GRHL2: variants seen among roughly 807,000 people sequenced by gnomAD.
GRHL2 encodes the protein grainyhead like transcription factor 2.
Under a neutral mutation model 83.8 loss-of-function variants are expected in GRHL2, and 21 were observed. The observed-to-expected ratio is 0.25, with a 90% CI of 0.18 to 0.36. The LOEUF (loss-of-function observed/expected upper bound fraction) is 0.36, where lower values mean the gene tolerates loss of function less well. Ranked by LOEUF, GRHL2 falls within the 10% of genes least tolerant of loss-of-function variation. GRHL2 has a pLI of 1.00. For synonymous variants in GRHL2, 280 were observed against 278.9 expected, an observed-to-expected ratio of 1.00 and a Z score of -0.04; for missense variants, 623 against 781.8, an observed-to-expected ratio of 0.80 and a Z score of 2.42.
At chr8:101,670,266 C>T (rs1814183443), downstream of GRHL2, among the ~76,000 whole-genome samples, 1 of 152,204 alleles carries the variant, frequency 6.6e-6, no homozygotes, top group African/African-American at 2.4e-5. Flanking sequence ...TCTGTGGAGC[C>T]ACCCACACTC....
chr8:101,604,865 A>G (rs1812598120), intron 8 of GRHL2, among the ~76,000 whole-genome samples: 1 of 152,188 alleles, frequency 6.6e-6, no homozygotes, highest in South Asian at 2.1e-4. Context: ...ATTCAATAAT[A>G]TGAAACTCTG....
chr8:101,570,269 C>T, intron 4 of GRHL2, 70 bp from the exon 5 acceptor site: 1 of 1,140,876 alleles, frequency 8.8e-7, no homozygotes, highest in South Asian at 1.2e-5. Context: ...AGTTTGGATA[C>T]ATTTATTATT....
chr8:101,657,314 A>C (rs1813813825), intron 14 of GRHL2, among the ~76,000 whole-genome samples: 1 of 152,154 alleles, frequency 6.6e-6, no homozygotes, highest in Non-Finnish European at 1.5e-5. Flanking sequence ...ATTGGTCTGT[A>C]CCTTCTGCCT....
chr8:101,558,006 A>G (rs1435393655), intron 3 of GRHL2, among the ~76,000 whole-genome samples: 1 of 152,142 alleles, frequency 6.6e-6, no homozygotes, highest in Admixed American at 6.5e-5. Flanking sequence ...CTGGGATTAC[A>G]GGCATGCGCC....
intron 4 of GRHL2, among the ~76,000 whole-genome samples, chr8:101,563,694 A>G (rs77033307): frequency 0.012 from 1,757 of 152,030 alleles, 36 homozygotes; most frequent in African/African-American, 0.04. Flanking sequence ...ATTGCTTAAA[A>G]TAGTTAGCAA....
chr8:101,535,342 A>G (rs1048906245), intron 1 of GRHL2, among the ~76,000 whole-genome samples: 1 of 152,122 alleles, frequency 6.6e-6, no homozygotes. Context: ...TCGTGCTTCT[A>G]GAAGAAAGCC....
chr8:101,532,831 G>A (rs746226362), intron 1 of GRHL2, among the ~76,000 whole-genome samples: 3 of 151,982 alleles, frequency 2.0e-5, no homozygotes, highest in Non-Finnish European at 4.4e-5. Flanking sequence ...GTGTGAGAGA[G>A]AGATAGAGAG....
At chr8:101,645,582 T>C (rs1586167904) in intron 13 of GRHL2, among the ~76,000 whole-genome samples, 1 of 151,988 alleles carries the variant, frequency 6.6e-6, no homozygotes, top group Non-Finnish European at 1.5e-5. Flanking sequence ...CTTGGAGAGG[T>C]TCCTCACACT....
chr8:101,546,332 C>T (rs1811265613), intron 2 of GRHL2, among the ~76,000 whole-genome samples: 1 of 151,708 alleles, frequency 6.6e-6, no homozygotes, highest in African/African-American at 2.4e-5. Context: ...GATATAATTT[C>T]ATATATCTGT....
At chr8:101,538,936 C>A (rs1563570279) in intron 1 of GRHL2, among the ~76,000 whole-genome samples, 2 of 152,160 alleles carry the variant, frequency 1.3e-5, no homozygotes, top group East Asian at 3.9e-4. Context: ...TCCCAAAATA[C>A]TTTTTCCACT....
At chr8:101,523,929 G>T (rs749331845) in intron 1 of GRHL2, among the ~76,000 whole-genome samples, 2 of 152,032 alleles carry the variant, frequency 1.3e-5, no homozygotes, top group African/African-American at 2.4e-5. Context: ...ATACTTATTG[G>T]TTTAACGCAG....
chr8:101,605,747 C>T (rs1308378781), intron 8 of GRHL2, among the ~76,000 whole-genome samples: 1 of 152,222 alleles, frequency 6.6e-6, no homozygotes, highest in Non-Finnish European at 1.5e-5. Context: ...TTCAACGGAG[C>T]ATTTGCATGC....
At chr8:101,540,862 G>C (rs1355161486) in intron 1 of GRHL2, among the ~76,000 whole-genome samples, 1 of 151,748 alleles carries the variant, frequency 6.6e-6, no homozygotes, top group Admixed American at 6.6e-5. Context: ...AGGGGTACAG[G>C]TGGTTTTTGG....
chr8:101,523,295 C>T (rs1273686403), intron 1 of GRHL2, among the ~76,000 whole-genome samples: 2 of 151,824 alleles, frequency 1.3e-5, no homozygotes, highest in Non-Finnish European at 2.9e-5. Flanking sequence ...CAATAAAAAC[C>T]TCTTTCCTTG....
intron 14 of GRHL2, among the ~76,000 whole-genome samples, chr8:101,663,208 C>G (rs773999044): frequency 6.6e-6 from 1 of 151,904 alleles, no homozygotes; most frequent in Non-Finnish European, 1.5e-5. Flanking sequence ...AATTTCTTTC[C>G]AAGAGGTTGA....
intron 1 of GRHL2, among the ~76,000 whole-genome samples, chr8:101,502,344 T>A (rs1810246918): frequency 6.6e-6 from 1 of 152,088 alleles, no homozygotes; most frequent in Non-Finnish European, 1.5e-5. Flanking sequence ...AGACAGGAGG[T>A]TACAGGCACA....
intron 14 of GRHL2, among the ~76,000 whole-genome samples, chr8:101,653,407 G>A (rs1813714100): frequency 6.6e-6 from 1 of 152,080 alleles, no homozygotes; most frequent in African/African-American, 2.4e-5. Context: ...GTTGAAAATG[G>A]CTTCCCATAA....
chr8:101,583,767 T>C (rs1185300477), intron 7 of GRHL2, among the ~76,000 whole-genome samples: 1 of 152,252 alleles, frequency 6.6e-6, no homozygotes, highest in African/African-American at 2.4e-5. Context: ...AAGGCATATT[T>C]TTCTATTTGT....
intron 7 of GRHL2, among the ~76,000 whole-genome samples, chr8:101,597,344 G>A (rs760722626): frequency 3.3e-5 from 5 of 152,136 alleles, no homozygotes; most frequent in Non-Finnish European, 7.4e-5. Context: ...GTTAGAAATA[G>A]GCATGCAACT....
Sources: gnomAD v4.1 joint callset for allele counts (sites outside exome capture counted in the v4.1 genomes callset) on GRCh38, gnomAD v4.1.1 for gene constraint, MANE v1.5 for transcripts, NCBI Gene and HGNC (gene_info 2026-07-23, HGNC 2026-07-21) for gene names.